The following TMEM26 variants were observed in gnomAD, a reference collection of about 807,000 sequenced individuals.
TMEM26 encodes transmembrane protein 26.
A neutral mutation model predicts 28.8 loss-of-function variants in TMEM26; 38 were observed. The ratio of observed to expected loss-of-function variants is 1.32; its 90% CI spans 1.02 to 1.73. The LOEUF (loss-of-function observed/expected upper bound fraction) is 1.73, where lower values mean the gene tolerates loss of function less well. Ranked by LOEUF, TMEM26 falls within the 40% of genes most tolerant of loss-of-function variation. TMEM26 has a pLI of 0.00. For synonymous variants in TMEM26, 227 were observed against 182.9 expected (o/e 1.24, Z -1.95); for missense variants, 518 against 447.1 (o/e 1.16, Z -1.43).
At chr10:61,451,883 A>AT (rs979719552) in intron 1 of TMEM26, among the ~76,000 whole-genome samples, 8 of 151,792 alleles carry the variant, frequency 5.3e-5, no homozygotes, top group South Asian at 2.1e-4. Flanking sequence ...GGGTTGTTTC[A>AT]TTTTTTTTGA....
intron 2 of TMEM26, among the ~76,000 whole-genome samples, chr10:61,433,276 C>A (rs1839951705): frequency 6.6e-6 from 1 of 152,122 alleles, no homozygotes; most frequent in African/African-American, 2.4e-5. Context: ...TCCAACTGGC[C>A]TCTACATTGG....
At position 61,413,524 on chromosome 10, in the gene TMEM26, G is replaced by A; in HGVS notation, c.617C>T (p.Ala206Val). 6.2e-7 allele frequency: 1 copy of A among 1,608,594 alleles called. No individual in the cohort carries two copies. Among genetic ancestry groups the A allele is most frequent in the East Asian group, 2.2e-5 (1 of 44,768 alleles). Residue 206 changes from alanine (A) to valine (V), a missense_variant, in exon 5 of 6, where the codon GCA becomes GTA. Coordinates refer to ENST00000399298, the MANE Select transcript of TMEM26 (RefSeq NM_178505.8). ...TATAACAAGGATGGCATAGACTAGTGCAGGACTATTCCTAGAATACAGACA... is the reference window on the plus strand; with the variant it reads ...TATAACAAGGATGGCATAGACTAGTACAGGACTATTCCTAGAATACAGACA... ...LEEQNVRNSP[A>V]LVYAILVIWT...
chr10:61,413,996 T>A (rs1049941235), intron 4 of TMEM26: 1 of 987,222 alleles, frequency 1.0e-6, no homozygotes, highest in African/African-American at 1.7e-5. Flanking sequence ...AACATTGAAA[T>A]AAAATTGTCA....
chr10:61,447,298 C>T (rs1424585549), intron 1 of TMEM26, among the ~76,000 whole-genome samples: 2 of 152,236 alleles, frequency 1.3e-5, no homozygotes, highest in Non-Finnish European at 2.9e-5. Flanking sequence ...CATATTATCA[C>T]ATACTACAGA....
intron 3 of TMEM26, among the ~76,000 whole-genome samples, chr10:61,431,013 T>C (rs957643918): frequency 1.3e-5 from 2 of 152,056 alleles, no homozygotes; most frequent in Admixed American, 6.6e-5. Flanking sequence ...TCTATTAATA[T>C]ATATAAAATG....
At chr10:61,423,492 C>T (rs924733522) in intron 4 of TMEM26, among the ~76,000 whole-genome samples, 1 of 152,148 alleles carries the variant, frequency 6.6e-6, no homozygotes, top group Non-Finnish European at 1.5e-5. Flanking sequence ...ATCTATAATC[C>T]TATCACTTTT....
chr10:61,416,541 G>A (rs1839655203), intron 4 of TMEM26, among the ~76,000 whole-genome samples: 2 of 151,936 alleles, frequency 1.3e-5, no homozygotes, highest in East Asian at 1.9e-4. Flanking sequence ...TCTTAGAACA[G>A]CATGTGACAC....
chr10:61,449,609 C>A (rs1342745148), intron 1 of TMEM26, among the ~76,000 whole-genome samples: 1 of 152,092 alleles, frequency 6.6e-6, no homozygotes, highest in African/African-American at 2.4e-5. Flanking sequence ...ATTAAAAGAA[C>A]AATACTCAAA....
At chr10:61,427,694 C>G (rs1839854694) in intron 4 of TMEM26, among the ~76,000 whole-genome samples, 1 of 152,064 alleles carries the variant, frequency 6.6e-6, no homozygotes, top group Non-Finnish European at 1.5e-5. Flanking sequence ...CTTCTACTAT[C>G]CTATGTTCCC....
chr10:61,427,903 A>G (rs1839858076), intron 4 of TMEM26, among the ~76,000 whole-genome samples: 1 of 152,156 alleles, frequency 6.6e-6, no homozygotes, highest in South Asian at 2.1e-4. Flanking sequence ...CATTAAAACT[A>G]CGGAACTAAA....
chr10:61,436,315 G>T, intron 1 of TMEM26, 67 bp from the exon 2 acceptor site: 1 of 991,596 alleles, frequency 1.0e-6, no homozygotes, highest in Non-Finnish European at 1.5e-6. Context: ...AAAAAATTAA[G>T]AGGAAGAATG....
chr10:61,431,374 G>C, intron 2 of TMEM26, 42 bp from the exon 3 acceptor site: 1 of 1,403,450 alleles, frequency 7.1e-7, no homozygotes, highest in Non-Finnish European at 1.0e-6. Flanking sequence ...CAAAAAATTA[G>C]CACAATATGG....
chr10:61,417,546 T>A (rs1387225061), intron 4 of TMEM26, among the ~76,000 whole-genome samples: 1 of 151,382 alleles, frequency 6.6e-6, no homozygotes, highest in Non-Finnish European at 1.5e-5. Context: ...TATTAACCTA[T>A]CCTGGAAGAA....
rs571171226 is a variant in TMEM26 at position 61,448,042 on chromosome 10, A to C, written c.191+4849T>G. Among the ~76,000 whole-genome samples the C allele has an allele frequency of 1.4e-3, 220 of 152,390 alleles. 1 individual carries two copies. The highest frequency in any genetic ancestry group is 3.4e-3 in the Middle Eastern group (1 of 294). ...GTTTATTCACTTCCATATTCTCAGT[A>C]CTTGAATAATGCCTGACACAATACA... On this transcript the variant is annotated intron_variant, in intron 1 of 5. Coordinates refer to ENST00000399298, the MANE Select transcript of TMEM26 (RefSeq NM_178505.8).
At chr10:61,444,664 A>G (rs527489745) in intron 1 of TMEM26, among the ~76,000 whole-genome samples, 1 of 151,806 alleles carries the variant, frequency 6.6e-6, no homozygotes, top group Non-Finnish European at 1.5e-5. Context: ...AAAAAAAAAA[A>G]AAAAAAACAC....
intron 4 of TMEM26, among the ~76,000 whole-genome samples, chr10:61,417,136 A>G (rs1373732524): frequency 1.3e-5 from 2 of 152,050 alleles, no homozygotes; most frequent in African/African-American, 2.4e-5. Flanking sequence ...CAAGATCTGT[A>G]AAGGAATTTT....
intron 4 of TMEM26, among the ~76,000 whole-genome samples, chr10:61,418,561 G>A (rs1034890495): frequency 6.6e-6 from 1 of 152,076 alleles, no homozygotes; most frequent in African/African-American, 2.4e-5. Flanking sequence ...GTTGATTCAA[G>A]TTTTGGGAAT....
rs1589022505 is a variant in TMEM26, at chr10:61,410,295, T to C, written c.*27A>G. 6.3e-7 allele frequency: 1 copy of C among 1,575,958 alleles called. No homozygotes were observed. The highest frequency in any genetic ancestry group is 8.6e-7 in the Non-Finnish European group (1 of 1,159,272). The stretch of plus-strand genomic sequence containing the variant: ...TAAGAAGAACCAGGGAGTCAGGTTC[T>C]AGCCGCAGACCACTGTCAATCAATA... On this transcript the variant is annotated 3_prime_UTR_variant, in exon 6 of 6. Coordinates refer to ENST00000399298, the MANE Select transcript of TMEM26 (RefSeq NM_178505.8).
Position 61,436,252 on chromosome 10 carries a change from T to C in TMEM26, c.192-4A>G, listed in dbSNP as rs771702974. 3.2e-6 allele frequency: 5 copies of C among 1,568,040 alleles called. No individual in the cohort carries two copies. The highest frequency in any genetic ancestry group is 4.3e-6 in the Non-Finnish European group (5 of 1,156,138). On this transcript the variant is annotated splice_polypyrimidine_tract_variant and splice_region_variant and intron_variant, in intron 1 of 5. Coordinates refer to ENST00000399298, the MANE Select transcript of TMEM26 (RefSeq NM_178505.8). ...TAAAAATATGGCTGGTGAAAACCTG[T>C]GAAAAGAGAGAAGAAAAAATAGTTT...
Sources: allele counts gnomAD v4.1 joint callset (sites outside exome capture counted in the v4.1 genomes callset), GRCh38; gene constraint gnomAD v4.1.1; transcripts MANE v1.5; gene names NCBI Gene and HGNC (gene_info 2026-07-23, HGNC 2026-07-21).